The following HMGXB3 variants were observed in gnomAD, a reference collection of about 807,000 sequenced individuals.
HMGXB3 encodes the protein HMG domain-containing protein 3.
HMGXB3 carries 45 observed loss-of-function variants against 121.5 expected under a neutral mutation model. The observed-to-expected ratio is 0.37, with a 90% CI of 0.29 to 0.47. HMGXB3 has a LOEUF of 0.47. Among genes scored for constraint, HMGXB3 ranks in the 20% least tolerant of loss-of-function variants. The pLI, the probability that HMGXB3 is intolerant of heterozygous loss-of-function variation, is 0.99. For missense variants in HMGXB3, 1,376 were observed against 1,602.2 expected (o/e 0.86, Z 2.41); for synonymous variants, 590 against 624.1 (o/e 0.95, Z 0.81).
rs1755862021 is a variant in HMGXB3, at chr5:150,012,419, T to C, written c.909+66T>C. 6 of 1,107,400 alleles carry C rather than the reference T, an allele frequency of 5.4e-6. No individual in the cohort carries two copies. The East Asian group carries it at 1.6e-4, about 29-fold the overall frequency. The allele number at this position is 1,107,400 out of a possible 1,614,324, so 68.6% of individuals were successfully genotyped here. ...CATAAGCATTTTTTTTCTAAGTAGA[T>C]TTGTCTTTTTTTCTTTCTGAGCTAC... On this transcript the variant is annotated intron_variant, in intron 5 of 19. Transcript: ENST00000502717.
Position 150,018,612 on chromosome 5 carries a change from G to A in HMGXB3, c.956G>A (p.Gly319Glu). 1 of 1,551,086 alleles carries A rather than the reference G, an allele frequency of 6.4e-7. No homozygotes were observed. The highest frequency in any genetic ancestry group is 8.7e-7 in the Non-Finnish European group (1 of 1,146,706). The part of the protein sequence containing the change: ...RRGHGTCTSP[G>E]CSFTYVTRHK... ...GGCCATGGGACATGCACCAGCCCAGGGTGCTCCTTTACATATGTCACCAGG... is the reference window on the plus strand; with the variant it reads ...GGCCATGGGACATGCACCAGCCCAGAGTGCTCCTTTACATATGTCACCAGG... Residue 319 changes from glycine (G) to glutamate (E), a missense_variant, in exon 6 of 20, where the codon GGG becomes GAG. Transcript: ENST00000502717.
chr5:150,039,858 A>G (rs928137070), intron 13 of HMGXB3, among the ~76,000 whole-genome samples: 4 of 152,228 alleles, frequency 2.6e-5, no homozygotes, highest in African/African-American at 4.8e-5. Context: ...CTGGGAACAC[A>G]TACTCCAAAA....
At position 150,024,243 on chromosome 5, in the gene HMGXB3, G is replaced by A. The variant is rs1561864898; in HGVS notation, c.1042-19G>A. The A allele has an allele frequency of 6.7e-7, 1 of 1,503,134 alleles. No homozygotes were observed. The highest frequency in any genetic ancestry group is 1.3e-5 in the South Asian group (1 of 74,944). The allele number at this position is 1,503,134 out of a possible 1,614,324, so 93.1% of individuals were successfully genotyped here. A position where few individuals can be genotyped will look rare whatever the true frequency, so the allele number is the denominator to read the frequency against. On this transcript the variant is annotated intron_variant, in intron 6 of 19. Coordinates refer to ENST00000502717, the MANE Select transcript of HMGXB3 (RefSeq NM_014983.3). ...ACTGTAAAATCCCTTATGTATACAA[G>A]GTATTCTTATTTTTCTAGGAAAAGC...
chr5:150,050,494 C>T, intron 19 of HMGXB3, 33 bp downstream of exon 19: 3 of 1,486,360 alleles, frequency 2.0e-6, no homozygotes, highest in Middle Eastern at 1.7e-4. Context: ...GCCATGTCTC[C>T]TCAAGCCTAC....
chr5:150,040,393 A>T (rs1756601776), intron 13 of HMGXB3, among the ~76,000 whole-genome samples: 2 of 151,962 alleles, frequency 1.3e-5, no homozygotes, highest in African/African-American at 2.4e-5. Context: ...CTTTTTCAAG[A>T]TATATAACTT....
Position 150,024,489 on chromosome 5 carries a change from C to T in HMGXB3, c.1269C>T (p.Ala423=), listed in dbSNP as rs61740534. 76 of 1,551,516 alleles carry T rather than the reference C, an allele frequency of 4.9e-5. No homozygotes were observed. Among genetic ancestry groups the T allele is most frequent in the Non-Finnish European group, 1.0e-5 (12 of 1,146,998 alleles). The part of the protein sequence containing the change: ...SEWEEVIISD[A]HVLVKEAPGN... ...GGGAGGAAGTGATCATCTCCGATGC[C>T]CATGTTTTGGTTAAGGAAGCTCCCG... is the stretch of plus-strand genomic sequence containing the variant. The change falls in exon 7 of 20, where the codon GCC becomes GCT. Residue 423 remains alanine, a synonymous_variant. Transcript: ENST00000502717.
chr5:150,030,079 G>C (rs1756336584), intron 9 of HMGXB3, among the ~76,000 whole-genome samples: 1 of 152,186 alleles, frequency 6.6e-6, no homozygotes, highest in African/African-American at 2.4e-5. Context: ...GAGATATTCA[G>C]AAAATCAACT....
In HMGXB3 at chr5:150,052,374, C is replaced by T. The variant is rs115654433; in HGVS notation, c.*182C>T. ...GGGACCCAGGGTCCTCAGTTCTCAA[C>T]CCTCCAGGGGTCAGGAGTGGTACCA... On this transcript the variant is annotated 3_prime_UTR_variant, in exon 20 of 20. Transcript: ENST00000502717. 1,280 of 604,332 alleles carry T rather than the reference C, an allele frequency of 2.1e-3. 12 individuals carry two copies. The highest frequency in any genetic ancestry group is 0.021 in the African/African-American group (1,130 of 54,088). 37.4% of individuals were successfully genotyped at this position (604,332 alleles called of 1,614,324 possible).
At chr5:150,009,808 C>T (rs888838148) in intron 3 of HMGXB3, among the ~76,000 whole-genome samples, 2 of 152,172 alleles carry the variant, frequency 1.3e-5, no homozygotes, top group Non-Finnish European at 2.9e-5. Context: ...TATGCCAGAC[C>T]TCAGGTTCTA....
Position 150,051,921 on chromosome 5 carries a change from T to C in HMGXB3, c.3608T>C (p.Ile1203Thr). 2.6e-6 allele frequency: 4 copies of C among 1,552,162 alleles called. No homozygotes were observed. The highest frequency in any genetic ancestry group is 3.5e-6 in the Non-Finnish European group (4 of 1,147,138). ...LCPELAPYAT[I>T]LASIVDSKPN... is the part of the protein sequence containing the mutation. ...CCTGAATTGGCACCTTACGCAACCA[T>C]CCTGGCCTCCATCGTGGACAGCAAA... The change falls in exon 20 of 20, where the codon ATC (isoleucine) becomes ACC (threonine). Residue 1203 changes from isoleucine to threonine, a missense_variant. By Grantham distance (89) the Ile-to-Thr change is moderately conservative (BLOSUM62 -1). Coordinates refer to ENST00000502717, the MANE Select transcript of HMGXB3 (RefSeq NM_014983.3).
chr5:150,029,936 C>T (rs1412557576), intron 9 of HMGXB3, among the ~76,000 whole-genome samples: 1 of 152,132 alleles, frequency 6.6e-6, no homozygotes, highest in Non-Finnish European at 1.5e-5. Context: ...CCCTAGATTC[C>T]CTTCATGTAC....
intron 15 of HMGXB3, 130 bp downstream of exon 15, chr5:150,042,099 C>G: frequency 1.6e-6 from 1 of 627,264 alleles, no homozygotes; most frequent in South Asian, 2.4e-5. Flanking sequence ...GTTTTTCCTC[C>G]CACAGCCCAA....
At chr5:150,032,232 A>G (rs548452182) in intron 10 of HMGXB3, among the ~76,000 whole-genome samples, 1 of 152,328 alleles carries the variant, frequency 6.6e-6, no homozygotes, top group African/African-American at 2.4e-5. Context: ...CCTGTTTCAC[A>G]GATAGGGAAG....
At chr5:150,016,928 A>G (rs1373549015) in intron 5 of HMGXB3, among the ~76,000 whole-genome samples, 1 of 152,238 alleles carries the variant, frequency 6.6e-6, no homozygotes. Context: ...TTTTTAACTT[A>G]TAAGTTTATC....
At chr5:150,016,367 T>C (rs1026920780) in intron 5 of HMGXB3, among the ~76,000 whole-genome samples, 1 of 143,216 alleles carries the variant, frequency 7.0e-6, no homozygotes, top group African/African-American at 2.6e-5. Context: ...AAAAAGGAGG[T>C]GACATTTAAC....
intron 11 of HMGXB3, among the ~76,000 whole-genome samples, chr5:150,033,318 C>A (rs1379228966): frequency 6.6e-6 from 1 of 152,068 alleles, no homozygotes; most frequent in Non-Finnish European, 1.5e-5. Flanking sequence ...GAGGGGATGG[C>A]ACACAGAACA....
At chr5:150,042,895 C>T (rs1756671015) in intron 15 of HMGXB3, among the ~76,000 whole-genome samples, 2 of 152,166 alleles carry the variant, frequency 1.3e-5, no homozygotes, top group Non-Finnish European at 2.9e-5. Context: ...CCCAACTCAT[C>T]ATATAAGGTT....
At chr5:150,010,691 G>A (rs748810731) in intron 4 of HMGXB3, 83 bp downstream of exon 4, 71 of 1,339,082 alleles carry the variant, frequency 5.3e-5, no homozygotes, top group Non-Finnish European at 7.0e-5. Context: ...TGATTCCAGA[G>A]CAGTGGTAAT....
At chr5:150,003,947 CAA>C (rs1242284579) in intron 1 of HMGXB3, among the ~76,000 whole-genome samples, 1 of 150,250 alleles carries the variant, frequency 6.7e-6, no homozygotes, top group African/African-American at 2.5e-5. Flanking sequence ...GACCCTGTCT[CAA>C]AAAACAAAAA....
Sources: gnomAD v4.1 joint callset for allele counts (sites outside exome capture counted in the v4.1 genomes callset) on GRCh38, gnomAD v4.1.1 for gene constraint, MANE v1.5 for transcripts, NCBI Gene and HGNC (gene_info 2026-07-23, HGNC 2026-07-21) for gene names.